Variants in ABI3BP observed in about 807,000 individuals in gnomAD.
The protein encoded by ABI3BP is ABI family member 3 binding protein, also known as target of Nesh-SH3.
Under a neutral mutation model 268.6 loss-of-function variants are expected in ABI3BP, and 216 were observed. That is an observed-to-expected ratio of 0.80 (90% CI 0.72 to 0.90). The LOEUF (loss-of-function observed/expected upper bound fraction) is 0.90. ABI3BP is among the 40% of genes least tolerant of loss of function. The pLI is 0.00. For missense variants in ABI3BP, 2,090 were observed against 2,182.4 expected (o/e 0.96, Z 0.84); for synonymous variants, 730 against 730.0 (o/e 1.00, Z 0.00).
intron 1 of ABI3BP, chr3:100,952,736 A>C (rs906094528): frequency 6.6e-6 from 1 of 152,188 alleles, no homozygotes; most frequent in Admixed American, 6.5e-5. Context: ...ATATTTTCAT[A>C]AACAAAAAAA....
intron 2 of ABI3BP, among the ~76,000 whole-genome samples, chr3:100,925,255 G>C (rs1293757993): frequency 6.6e-6 from 1 of 152,108 alleles, no homozygotes; most frequent in East Asian, 1.9e-4. Context: ...TATCAGAGCT[G>C]ATATAAAGTA....
intron 1 of ABI3BP, among the ~76,000 whole-genome samples, chr3:100,989,404 A>T (rs1257913777): frequency 6.6e-6 from 1 of 152,248 alleles, no homozygotes; most frequent in Non-Finnish European, 1.5e-5. Flanking sequence ...GTTACCTGTG[A>T]TAATAATAAT....
intron 55 of ABI3BP, among the ~76,000 whole-genome samples, chr3:100,790,226 T>C (rs1347801392): frequency 1.6e-4 from 25 of 152,010 alleles, no homozygotes; most frequent in Non-Finnish European, 5.9e-5. Context: ...GACCATTGTA[T>C]GCAGGCAAAC....
At chr3:100,972,946 G>A (rs2084364698) in intron 1 of ABI3BP, among the ~76,000 whole-genome samples, 1 of 152,200 alleles carries the variant, frequency 6.6e-6, no homozygotes, top group Non-Finnish European at 1.5e-5. Context: ...GTTCCTGGCT[G>A]AGGTTGAACA....
intron 11 of ABI3BP, 125 bp from the exon 12 acceptor site, chr3:100,864,201 T>G (rs528545573): frequency 1.5e-6 from 1 of 683,170 alleles, no homozygotes; most frequent in African/African-American, 1.8e-5. Context: ...ATACCTTTAA[T>G]GGAAATAACC....
intron 2 of ABI3BP, among the ~76,000 whole-genome samples, chr3:100,904,842 A>G (rs2052474978): frequency 6.6e-6 from 1 of 152,210 alleles, no homozygotes; most frequent in Non-Finnish European, 1.5e-5. Flanking sequence ...CCATTATGGA[A>G]GTCAGTCTGG....
intron 63 of ABI3BP, among the ~76,000 whole-genome samples, chr3:100,762,974 A>G (rs193251577): frequency 3.3e-5 from 5 of 152,358 alleles, no homozygotes; most frequent in Admixed American, 1.3e-4. Flanking sequence ...CAAATCATTT[A>G]TATGAAAATT....
chr3:100,921,340 T>C (rs1349726272), intron 2 of ABI3BP, among the ~76,000 whole-genome samples: 2 of 152,194 alleles, frequency 1.3e-5, no homozygotes, highest in African/African-American at 4.8e-5. Flanking sequence ...CAGGTGACAC[T>C]GATTAAAGTG....
At chr3:100,977,029 C>T (rs1371893384) in intron 1 of ABI3BP, among the ~76,000 whole-genome samples, 1 of 152,154 alleles carries the variant, frequency 6.6e-6, no homozygotes, top group Non-Finnish European at 1.5e-5. Context: ...ATGTATTTTT[C>T]CAATCACTCT....
intron 1 of ABI3BP, among the ~76,000 whole-genome samples, chr3:100,978,778 C>T (rs774070606): frequency 8.5e-5 from 13 of 152,202 alleles, no homozygotes; most frequent in African/African-American, 2.4e-4. Flanking sequence ...AAGTAGTACC[C>T]GAGTGCTTTG....
At chr3:100,960,296 T>C (rs1370857789) in intron 1 of ABI3BP, among the ~76,000 whole-genome samples, 1 of 152,174 alleles carries the variant, frequency 6.6e-6, no homozygotes, top group Non-Finnish European at 1.5e-5. Flanking sequence ...ATGCATGTAA[T>C]TGGAAACTCG....
At chr3:100,988,990 T>C (rs575534842) in intron 1 of ABI3BP, among the ~76,000 whole-genome samples, 31 of 152,348 alleles carry the variant, frequency 2.0e-4, no homozygotes, top group African/African-American at 6.7e-4. Context: ...AGTCTGAATG[T>C]GTTCCCTCCA....
intron 21 of ABI3BP, 52 bp from the exon 22 acceptor site, chr3:100,840,910 T>C: frequency 7.1e-7 from 1 of 1,412,918 alleles, no homozygotes; most frequent in Non-Finnish European, 9.6e-7. Flanking sequence ...AAAGGAAAAA[T>C]GACATGTATT....
intron 57 of ABI3BP, among the ~76,000 whole-genome samples, chr3:100,782,314 G>A (rs571629727): frequency 2.0e-5 from 3 of 152,236 alleles, no homozygotes; most frequent in South Asian, 2.1e-4. Context: ...TACATTATAC[G>A]TAAGACCAAA....
At position 100,846,464 on chromosome 3, in the gene ABI3BP, C is replaced by A; in HGVS notation, c.1649-18G>T. 1 of 1,541,278 alleles carries A rather than the reference C, an allele frequency of 6.5e-7. No homozygotes were observed. The highest frequency in any genetic ancestry group is 8.8e-7 in the Non-Finnish European group (1 of 1,134,860). Reference sequence around the variant, plus strand: ...ACCGGGAGCTGGAAAAATAAAGAAACAAAATAATAAACAAATCAATATTTA... The same window carrying A: ...ACCGGGAGCTGGAAAAATAAAGAAAAAAAATAATAAACAAATCAATATTTA... On this transcript the variant is annotated intron_variant, in intron 19 of 67. Coordinates refer to ENST00000471714, the MANE Select transcript of ABI3BP (RefSeq NM_001375547.2).
chr3:100,862,777 C>A, intron 13 of ABI3BP, 61 bp downstream of exon 13: 1 of 1,181,420 alleles, frequency 8.5e-7, no homozygotes, highest in South Asian at 1.4e-5. Flanking sequence ...TAAATGTGTC[C>A]TGCAGAATTA....
chr3:100,782,658 G>T (rs956818244), intron 57 of ABI3BP, among the ~76,000 whole-genome samples: 4 of 152,096 alleles, frequency 2.6e-5, no homozygotes, highest in Admixed American at 6.6e-5. Flanking sequence ...GGCCAGAACT[G>T]GAGAGACTAG....
At chr3:100,755,386 G>T (rs1576583174) in intron 63 of ABI3BP, among the ~76,000 whole-genome samples, 2 of 152,182 alleles carry the variant, frequency 1.3e-5, no homozygotes, top group African/African-American at 2.4e-5. Flanking sequence ...GGACTTCCTA[G>T]TTGTATCGCC....
At position 100,754,693 on chromosome 3, in the gene ABI3BP, T is replaced by C; in HGVS notation, c.4851-2A>G. ...TTGGGTTTCACCTGGAATTCATAAC[T>C]GTTTAGGGGAAAATAAAAAAATACT... On this transcript the variant is annotated splice_acceptor_variant, in intron 63 of 67. Coordinates refer to ENST00000471714, the MANE Select transcript of ABI3BP (RefSeq NM_001375547.2). LOFTEE classifies it high-confidence loss of function. 1.9e-6 allele frequency: 3 copies of C among 1,576,276 alleles called. No individual in the cohort carries two copies. Among genetic ancestry groups the C allele is most frequent in the Non-Finnish European group, 2.6e-6 (3 of 1,159,198 alleles).
Sources: allele counts gnomAD v4.1 joint callset (sites outside exome capture counted in the v4.1 genomes callset), GRCh38; gene constraint gnomAD v4.1.1; transcripts MANE v1.5; gene names NCBI Gene and HGNC (gene_info 2026-07-23, HGNC 2026-07-21).